ATF7IP: variants seen among roughly 807,000 people sequenced by gnomAD.
ATF7IP encodes activating transcription factor 7 interacting protein, also known as activating transcription factor 7-interacting protein 1.
A neutral mutation model predicts 106.4 loss-of-function variants in ATF7IP; 23 were observed. The observed-to-expected ratio is 0.22, with a 90% confidence interval of 0.16 to 0.31. ATF7IP has a LOEUF of 0.31. Among genes scored for constraint, ATF7IP ranks in the 10% least tolerant of loss-of-function variants. The pLI, the probability that ATF7IP is intolerant of heterozygous loss-of-function variation, is 1.00. For synonymous variants in ATF7IP, 542 were observed against 539.0 expected, an observed-to-expected ratio of 1.01 and a Z score of -0.08; for missense variants, 1,334 against 1,524.3, an observed-to-expected ratio of 0.88 and a Z score of 2.08.
At chr12:14,379,845 T>A (rs1037518380) in intron 1 of ATF7IP, among the ~76,000 whole-genome samples, 1 of 152,172 alleles carries the variant, frequency 6.6e-6, no homozygotes, top group African/African-American at 2.4e-5. Flanking sequence ...TTATTAGTCT[T>A]TAGTCTTATG....
chr12:14,500,815 TTA>T lies in ATF7IP; in HGVS notation c.*2744_*2745del, dbSNP rs1945141777. 1 of 152,218 alleles carries T rather than the reference TTA, an allele frequency of 6.6e-6. No individual in the cohort carries two copies. Among genetic ancestry groups the T allele is most frequent in the African/African-American group, 2.4e-5 (1 of 41,462 alleles). The allele number at this position is 152,218 out of a possible 1,614,324, so 9.4% of individuals were successfully genotyped here. A position where few individuals can be genotyped will look rare whatever the true frequency, so the allele number is the denominator to read the frequency against. On this transcript the variant is annotated 3_prime_UTR_variant, in exon 15 of 15. Transcript: ENST00000261168. ...AAAAAATTCATTAGCCTAGCCTATA[TTA>T]TGTTTTCTGTCAAAGGAAAACAAAT...
chr12:14,497,015 G>T (rs539350264), intron 14 of ATF7IP, among the ~76,000 whole-genome samples: 4 of 152,082 alleles, frequency 2.6e-5, no homozygotes, highest in Admixed American at 2.6e-4. Flanking sequence ...GTTAATACTT[G>T]TTCTTGTCCA....
intron 9 of ATF7IP, among the ~76,000 whole-genome samples, chr12:14,462,876 A>C (rs964761274): frequency 1.3e-5 from 2 of 151,946 alleles, no homozygotes; most frequent in African/African-American, 4.8e-5. Flanking sequence ...TTATATCAAG[A>C]TCTTCATTTC....
chr12:14,370,167 C>G (rs936868661), intron 1 of ATF7IP, among the ~76,000 whole-genome samples: 3 of 152,126 alleles, frequency 2.0e-5, no homozygotes, highest in African/African-American at 7.2e-5. Flanking sequence ...AACTTCCTAC[C>G]TCAGGTGATC....
At chr12:14,457,905 T>C (rs962957494) in intron 8 of ATF7IP, among the ~76,000 whole-genome samples, 71 of 151,882 alleles carry the variant, frequency 4.7e-4, no homozygotes, top group African/African-American at 1.7e-3. Flanking sequence ...GACCAGCCTG[T>C]CCAACATGGT....
At chr12:14,427,166 A>G (rs1330279209) in intron 2 of ATF7IP, among the ~76,000 whole-genome samples, 2 of 151,618 alleles carry the variant, frequency 1.3e-5, no homozygotes, top group Non-Finnish European at 2.9e-5. Context: ...TCTGTTGCCC[A>G]GGCTGGAGTA....
chr12:14,483,067 A>G (rs1051981685), intron 13 of ATF7IP, among the ~76,000 whole-genome samples: 1 of 152,216 alleles, frequency 6.6e-6, no homozygotes, highest in African/African-American at 2.4e-5. Flanking sequence ...ACTCATGACA[A>G]TTACAGTCTC....
At chr12:14,369,261 C>T (rs549125205) in intron 1 of ATF7IP, 70 of 152,230 alleles carry the variant, frequency 4.6e-4, no homozygotes, top group African/African-American at 1.7e-3. Flanking sequence ...CCTGTACTGC[C>T]TTTCCTTTTT....
chr12:14,379,014 A>G (rs1938887675), intron 1 of ATF7IP, among the ~76,000 whole-genome samples: 1 of 152,134 alleles, frequency 6.6e-6, no homozygotes. Flanking sequence ...CATCCTTAGA[A>G]TTTTGTACAC....
intron 1 of ATF7IP, among the ~76,000 whole-genome samples, chr12:14,405,403 C>CTTTT (rs145211652): frequency 4.1e-4 from 34 of 83,570 alleles, no homozygotes; most frequent in Middle Eastern, 9.1e-3. Context: ...TTTCTTTCAT[C>CTTTT]TTTTTTTTTT....
chr12:14,476,677 C>G (rs1439212852), intron 11 of ATF7IP, among the ~76,000 whole-genome samples: 1 of 151,980 alleles, frequency 6.6e-6, no homozygotes, highest in Non-Finnish European at 1.5e-5. Flanking sequence ...ATTAAATGTT[C>G]TTTTTCTCTC....
intron 6 of ATF7IP, among the ~76,000 whole-genome samples, chr12:14,448,577 A>G (rs1481766701): frequency 1.3e-5 from 2 of 152,092 alleles, no homozygotes; most frequent in Non-Finnish European, 2.9e-5. Context: ...TTGGTCCATT[A>G]TTATCTTTGG....
intron 1 of ATF7IP, among the ~76,000 whole-genome samples, chr12:14,373,549 G>T (rs1591754011): frequency 6.6e-6 from 1 of 152,158 alleles, no homozygotes; most frequent in African/African-American, 2.4e-5. Flanking sequence ...GACATATTTA[G>T]CTGGGAAAGG....
chr12:14,464,020 A>G (rs1943736750), intron 9 of ATF7IP, among the ~76,000 whole-genome samples: 1 of 152,222 alleles, frequency 6.6e-6, no homozygotes, highest in Non-Finnish European at 1.5e-5. Flanking sequence ...AGACTATATA[A>G]AACTAGAGTT....
At position 14,481,128 on chromosome 12, in the gene ATF7IP, C is replaced by G. The variant is rs771847662; in HGVS notation, c.3223C>G (p.Pro1075Ala). ...TTLPAPPAQA[P>A]LRGTVMQAPA... ...TCTTCCTGCACCACCAGCTCAGGCT[C>G]CCTTGCGAGGAACTGTTATGCAGGC... The change falls in exon 13 of 15, where the codon CCC becomes GCC. Residue 1075 changes from proline (P) to alanine (A), a missense_variant. Transcript: ENST00000261168. The G allele has an allele frequency of 1.2e-6, 2 of 1,614,058 alleles. No individual in the cohort carries two copies. Among genetic ancestry groups the G allele is most frequent in the South Asian group, 2.2e-5 (2 of 91,090 alleles).
chr12:14,419,761 T>C (rs1941394642), intron 1 of ATF7IP, among the ~76,000 whole-genome samples: 1 of 152,226 alleles, frequency 6.6e-6, no homozygotes, highest in Admixed American at 6.5e-5. Context: ...ACAAATTTTG[T>C]ATAATTTTGT....
At position 14,497,827 on chromosome 12, in the gene ATF7IP, C is replaced by G. The variant is rs1028105620; in HGVS notation, c.3567C>G (p.Ser1189Arg). 1.9e-6 allele frequency: 3 copies of G among 1,614,028 alleles called. No homozygotes were observed. Among genetic ancestry groups the G allele is most frequent in the Non-Finnish European group, 2.5e-6 (3 of 1,180,036 alleles). ...LSWSVLEVDR[S>R]CATVDSYHLY... is the part of the protein sequence containing the mutation. ...GGAGTGTCCTGGAGGTGGATCGAAG[C>G]TGTGCCACTGTTGATAGCTACCATC... The change falls in exon 15 of 15, where the codon AGC becomes AGG. Residue 1189 changes from serine to arginine, a missense_variant. Transcript: ENST00000261168.
In ATF7IP at chr12:14,443,069, C is replaced by A. The variant is rs183794006; in HGVS notation, c.1930-3919C>A. 9.2e-5 allele frequency among the ~76,000 whole-genome samples: 14 copies of A among 152,222 alleles called. No homozygotes were observed. The East Asian group carries it at 2.5e-3, about 27-fold the overall frequency. ...ACTAGTGAGGCTGAGGCAGGAGAAT[C>A]GCTTGAACCCAGGAGGCGGAGGTTG... On this transcript the variant is annotated intron_variant, in intron 5 of 14. Transcript: ENST00000261168.
At chr12:14,400,476 T>A (rs1288363228) in intron 1 of ATF7IP, among the ~76,000 whole-genome samples, 1 of 152,180 alleles carries the variant, frequency 6.6e-6, no homozygotes, top group Non-Finnish European at 1.5e-5. Context: ...ATTAATAGGA[T>A]TAATATTTAA....
Sources: allele counts gnomAD v4.1 joint callset (sites outside exome capture counted in the v4.1 genomes callset), GRCh38; gene constraint gnomAD v4.1.1; transcripts MANE v1.5; gene names NCBI Gene and HGNC (gene_info 2026-07-23, HGNC 2026-07-21).